Variants in RIMS1 observed in about 807,000 individuals in gnomAD.
RIMS1 encodes the protein regulating synaptic membrane exocytosis protein 1.
Under a neutral mutation model 214.1 loss-of-function variants are expected in RIMS1, and 83 were observed. The ratio of observed to expected loss-of-function variants is 0.39; its 90% CI spans 0.32 to 0.47. RIMS1 has a LOEUF of 0.47. RIMS1 is among the 20% of genes least tolerant of loss of function. RIMS1 has a pLI of 0.99. For synonymous variants in RIMS1, 793 were observed against 786.8 expected, an observed-to-expected ratio of 1.01 and a Z score of -0.13; for missense variants, 2,050 against 2,161.8, an observed-to-expected ratio of 0.95 and a Z score of 1.03.
chr6:72,290,437 A>AT (rs2093193123), intron 24 of RIMS1, among the ~76,000 whole-genome samples: 1 of 152,208 alleles, frequency 6.6e-6, no homozygotes, highest in East Asian at 1.9e-4. Flanking sequence ...TTGGTGGAAC[A>AT]TACAAGAGGT....
chr6:72,250,664 T>G (rs1365099924), intron 13 of RIMS1, among the ~76,000 whole-genome samples: 1 of 152,168 alleles, frequency 6.6e-6, no homozygotes, highest in Non-Finnish European at 1.5e-5. Context: ...AAAAAATCTA[T>G]TACCTTGTTT....
rs890730339 is a variant in RIMS1, at chr6:72,260,926, G to T, written c.3116+159G>T. 4.1e-6 allele frequency: 6 copies of T among 1,475,456 alleles called. No individual in the cohort carries two copies. In the African/African-American group the frequency reaches 4.2e-5, roughly 10 times the overall value. 91.4% of individuals were successfully genotyped at this position (1,475,456 alleles called of 1,614,324 possible). A position where few individuals can be genotyped will look rare whatever the true frequency, so the allele number is the denominator to read the frequency against. ...GTTTTATATTGAGGTTATGGAAAAG[G>T]TTCCAAATATATTTCAGTTCCGATT... On this transcript the variant is annotated intron_variant, in intron 19 of 33. Coordinates refer to ENST00000521978, the MANE Select transcript of RIMS1 (RefSeq NM_014989.7).
Position 72,091,928 on chromosome 6 carries a change from C to T in RIMS1, c.246-5021C>T, listed in dbSNP as rs1836340760. Among the ~76,000 whole-genome samples, 8 of 152,284 alleles carry T rather than the reference C, an allele frequency of 5.3e-5. No homozygotes were observed. The South Asian group carries it at 1.7e-3, about 32-fold the overall frequency. ...CAAAAAGGTTTTACATTTGCAGTCCCACATTTACTGTAAGACCATTTAATA... is the reference window on the plus strand; with the variant it reads ...CAAAAAGGTTTTACATTTGCAGTCCTACATTTACTGTAAGACCATTTAATA... On this transcript the variant is annotated intron_variant, in intron 2 of 33. Coordinates refer to ENST00000521978, the MANE Select transcript of RIMS1 (RefSeq NM_014989.7).
At chr6:72,144,748 C>T (rs1392679877) in intron 4 of RIMS1, among the ~76,000 whole-genome samples, 1 of 152,096 alleles carries the variant, frequency 6.6e-6, no homozygotes, top group Admixed American at 6.5e-5. Context: ...CCTTTTATTT[C>T]TTTTGAGCTA....
intron 2 of RIMS1, among the ~76,000 whole-genome samples, chr6:72,045,057 G>A (rs891465860): frequency 2.6e-5 from 4 of 151,706 alleles, no homozygotes; most frequent in Admixed American, 6.6e-5. Context: ...CAACACTGAC[G>A]AATATCAAAA....
intron 6 of RIMS1, among the ~76,000 whole-genome samples, chr6:72,187,473 C>CTT (rs1186605595): frequency 1.0e-4 from 9 of 88,652 alleles, no homozygotes; most frequent in East Asian, 8.7e-4. Flanking sequence ...TCCAGATATC[C>CTT]TTTTTGTTTT....
chr6:71,937,626 C>G (rs1784839214), intron 1 of RIMS1, among the ~76,000 whole-genome samples: 1 of 152,024 alleles, frequency 6.6e-6, no homozygotes, highest in Non-Finnish European at 1.5e-5. Flanking sequence ...TGACAGAAGG[C>G]ATCACATGGT....
intron 2 of RIMS1, among the ~76,000 whole-genome samples, chr6:72,085,677 C>A (rs1282665985): frequency 6.6e-6 from 1 of 152,094 alleles, no homozygotes; most frequent in Admixed American, 6.6e-5. Flanking sequence ...ACTAAAAAAG[C>A]TCCTTCCTGG....
At chr6:72,272,429 A>T (rs2083897898) in intron 22 of RIMS1, among the ~76,000 whole-genome samples, 1 of 152,154 alleles carries the variant, frequency 6.6e-6, no homozygotes, top group African/African-American at 2.4e-5. Flanking sequence ...GTATGTGGGA[A>T]AAAGCAAACA....
intron 6 of RIMS1, among the ~76,000 whole-genome samples, chr6:72,184,641 G>A (rs1421065133): frequency 3.9e-5 from 6 of 152,120 alleles, no homozygotes; most frequent in Non-Finnish European, 8.8e-5. Flanking sequence ...TTTAAAAAAT[G>A]TCAAAAGTAG....
At chr6:72,099,485 T>C (rs573967948) in intron 3 of RIMS1, among the ~76,000 whole-genome samples, 1 of 152,318 alleles carries the variant, frequency 6.6e-6, no homozygotes, top group African/African-American at 2.4e-5. Context: ...ATTGCCAAAA[T>C]AGTTAACATA....
intron 2 of RIMS1, among the ~76,000 whole-genome samples, chr6:71,983,246 A>G (rs1175289155): frequency 6.6e-6 from 1 of 152,034 alleles, no homozygotes; most frequent in African/African-American, 2.4e-5. Flanking sequence ...TTAGTTCTCT[A>G]TTATTTTCCT....
intron 29 of RIMS1, among the ~76,000 whole-genome samples, chr6:72,366,547 T>C (rs1391482828): frequency 6.6e-6 from 1 of 152,232 alleles, no homozygotes; most frequent in Non-Finnish European, 1.5e-5. Context: ...TTTAGCAGTT[T>C]TCAAATTTAT....
In RIMS1 at chr6:72,196,581, T is replaced by TTTTTTTTTTTTTTTTG. The variant is rs2050997161; in HGVS notation, c.1678+13447_1678+13448insGTTTTTTTTTTTTTTT. 3.8e-5 allele frequency among the ~76,000 whole-genome samples: 2 copies of TTTTTTTTTTTTTTTTG among 52,408 alleles called. 1 individual carries two copies. The highest frequency in any genetic ancestry group is 8.9e-5 in the Non-Finnish European group (2 of 22,512). The allele number at this position is 52,408 out of a possible 152,430, so 34.4% of individuals were successfully genotyped here. ...GTACTGTGCTGGCAGCCAGCTGCAC[T>TTTTTTTTTTTTTTTTG]TTTTTTTTTTTTTTTTTTTTTTACC... On this transcript the variant is annotated intron_variant, in intron 6 of 33. Coordinates refer to ENST00000521978, the MANE Select transcript of RIMS1 (RefSeq NM_014989.7).
intron 23 of RIMS1, among the ~76,000 whole-genome samples, chr6:72,275,030 T>G (rs1293986073): frequency 1.3e-5 from 2 of 150,538 alleles, no homozygotes; most frequent in Non-Finnish European, 3.0e-5. Context: ...ATCCACTTTA[T>G]GCTGATATGT....
At chr6:72,147,423 A>G (rs1335980789) in intron 4 of RIMS1, among the ~76,000 whole-genome samples, 2 of 152,218 alleles carry the variant, frequency 1.3e-5, no homozygotes, top group African/African-American at 2.4e-5. Context: ...TCTAGGGCCT[A>G]ATAAGCAGGC....
intron 27 of RIMS1, among the ~76,000 whole-genome samples, chr6:72,312,772 T>C (rs771389143): frequency 7.2e-5 from 11 of 152,166 alleles, no homozygotes; most frequent in Admixed American, 3.9e-4. Flanking sequence ...TGAAAAGTTA[T>C]ATATTTTTAA....
chr6:71,947,080 C>G (rs1788058055), intron 1 of RIMS1, among the ~76,000 whole-genome samples: 1 of 151,922 alleles, frequency 6.6e-6, no homozygotes, highest in African/African-American at 2.4e-5. Flanking sequence ...AAATTAAAAC[C>G]ACAGTGAGAT....
intron 29 of RIMS1, among the ~76,000 whole-genome samples, chr6:72,356,525 G>A (rs1040140753): frequency 5.3e-5 from 8 of 152,032 alleles, no homozygotes; most frequent in African/African-American, 1.2e-4. Flanking sequence ...TTGGGAGTCC[G>A]AGGCAGGTGG....
Sources: allele counts gnomAD v4.1 joint callset (sites outside exome capture counted in the v4.1 genomes callset), GRCh38; gene constraint gnomAD v4.1.1; transcripts MANE v1.5; gene names NCBI Gene and HGNC (gene_info 2026-07-23, HGNC 2026-07-21).